FNDC3B: variants seen among roughly 807,000 people sequenced by gnomAD.
FNDC3B encodes fibronectin type III domain containing 3B, also known as fibronectin type III domain-containing protein 3B.
FNDC3B carries 12 observed loss-of-function variants against 151.5 expected under a neutral mutation model. The ratio of observed to expected loss-of-function variants is 0.08; its 90% CI spans 0.05 to 0.13. The LOEUF (loss-of-function observed/expected upper bound fraction) is 0.13, where lower values mean the gene tolerates loss of function less well. Ranked by LOEUF, FNDC3B falls within the 10% of genes least tolerant of loss-of-function variation. The probability of loss-of-function intolerance (pLI) is 1.00; values close to 1 mark genes in which losing one functional copy is unlikely to be tolerated. For synonymous variants in FNDC3B, 528 were observed against 549.0 expected (o/e 0.96, Z 0.54); for missense variants, 1,214 against 1,505.3 (o/e 0.81, Z 3.20).
rs536917791 is a variant in FNDC3B, at chr3:172,208,864, G to A, written c.188-18007G>A. Among the ~76,000 whole-genome samples, 6 of 152,246 alleles carry A rather than the reference G, an allele frequency of 3.9e-5. No individual in the cohort carries two copies. The South Asian group carries it at 1.2e-3, about 32-fold the overall frequency. ...CTAGGCATTCTGGCTGTTGCAGTGG[G>A]GTGGGCAGCTCCATGCACCAGCATA... On this transcript the variant is annotated intron_variant, in intron 3 of 25. Transcript: ENST00000415807.
At position 172,334,937 on chromosome 3, in the gene FNDC3B, G is replaced by A; in HGVS notation, c.1642-7G>A. On this transcript the variant is annotated splice_polypyrimidine_tract_variant and splice_region_variant and intron_variant, in intron 14 of 25. Coordinates refer to ENST00000415807, the MANE Select transcript of FNDC3B (RefSeq NM_022763.4). ...ATCATGTTAACGTTTCCTTGGTTGT[G>A]TTCTAGCTGACTGCTTCTAATACGG... 6.2e-7 allele frequency: 1 copy of A among 1,610,472 alleles called. No individual in the cohort carries two copies.
chr3:172,337,021 G>T (rs1018321873), intron 15 of FNDC3B, among the ~76,000 whole-genome samples: 1 of 151,308 alleles, frequency 6.6e-6, no homozygotes, highest in Non-Finnish European at 1.5e-5. Flanking sequence ...ATATATTAAA[G>T]AGCACCTTCA....
At chr3:172,377,143 A>T (rs1735189640) in intron 23 of FNDC3B, among the ~76,000 whole-genome samples, 1 of 152,248 alleles carries the variant, frequency 6.6e-6, no homozygotes, top group Admixed American at 6.5e-5. Context: ...TTGGCCCAAG[A>T]GTCAGACATT....
chr3:172,326,546 T>C (rs778495389), intron 11 of FNDC3B, among the ~76,000 whole-genome samples: 2 of 152,328 alleles, frequency 1.3e-5, no homozygotes, highest in Non-Finnish European at 2.9e-5. Context: ...AGATGGAGTC[T>C]TGTTCTGTCG....
chr3:172,267,578 T>G (rs1206910207), intron 6 of FNDC3B, among the ~76,000 whole-genome samples: 1 of 152,240 alleles, frequency 6.6e-6, no homozygotes, highest in African/African-American at 2.4e-5. Context: ...AAATGGCGGC[T>G]GTGTATTTTC....
intron 23 of FNDC3B, among the ~76,000 whole-genome samples, chr3:172,376,837 G>A (rs1354705432): frequency 1.4e-5 from 2 of 145,440 alleles, no homozygotes; most frequent in Non-Finnish European, 3.0e-5. Flanking sequence ...CATTGACTCT[G>A]ACAGGCTTTG....
chr3:172,283,515 A>T (rs1352698906), intron 6 of FNDC3B, among the ~76,000 whole-genome samples: 10 of 152,284 alleles, frequency 6.6e-5, no homozygotes, highest in Non-Finnish European at 1.5e-4. Flanking sequence ...TATTACTCCA[A>T]GGATAGGGTC....
intron 3 of FNDC3B, among the ~76,000 whole-genome samples, chr3:172,136,647 G>A (rs975327907): frequency 6.6e-6 from 1 of 152,210 alleles, no homozygotes; most frequent in Non-Finnish European, 1.5e-5. Flanking sequence ...TTTGTATTTT[G>A]TTAGGGATTT....
At chr3:172,083,558 G>T (rs1018657132) in intron 1 of FNDC3B, among the ~76,000 whole-genome samples, 17 of 152,188 alleles carry the variant, frequency 1.1e-4, no homozygotes, top group African/African-American at 4.1e-4. Flanking sequence ...CTATGGAGGG[G>T]TGTCTCAAAA....
chr3:172,346,561 T>TTTTTC, intron 20 of FNDC3B, 121 bp downstream of exon 20: 1 of 601,644 alleles, frequency 1.7e-6, no homozygotes, highest in Non-Finnish European at 2.9e-6. Context: ...TTTTTTTTTT[T>TTTTTC]GCTCTGTGTA....
At chr3:172,084,472 T>TACACACACACACACACACACACACACAC (rs138156277) in intron 1 of FNDC3B, among the ~76,000 whole-genome samples, 91 of 143,628 alleles carry the variant, frequency 6.3e-4, no homozygotes, top group African/African-American at 1.0e-3. Flanking sequence ...TGTATATGTA[T>TACACACACACACACACACACACACACAC]ACACACACAC....
At chr3:172,105,619 TA>T (rs537392799) in intron 1 of FNDC3B, among the ~76,000 whole-genome samples, 1,802 of 127,206 alleles carry the variant, frequency 0.014, 17 homozygotes, top group East Asian at 0.039. Context: ...ATTGTTTTCT[TA>T]AAAAAAAAAA....
chr3:172,301,134 GATA>G (rs1730893549), intron 9 of FNDC3B, among the ~76,000 whole-genome samples: 1 of 152,168 alleles, frequency 6.6e-6, no homozygotes. Flanking sequence ...AAATGAGAAT[GATA>G]ATGATACCAG....
At chr3:172,039,890 C>T (rs1715928406) in intron 1 of FNDC3B, 119 bp downstream of exon 1, 1 of 152,286 alleles carries the variant, frequency 6.6e-6, no homozygotes, top group South Asian at 2.1e-4. Flanking sequence ...GTCCCTGTCC[C>T]GGGAGCGCCC....
chr3:172,286,361 A>G (rs956091634), intron 7 of FNDC3B, among the ~76,000 whole-genome samples: 1 of 152,150 alleles, frequency 6.6e-6, no homozygotes, highest in Admixed American at 6.5e-5. Flanking sequence ...TATTTTTCCA[A>G]GTAAACTTCA....
At position 172,226,845 on chromosome 3, in the gene FNDC3B, A is replaced by G. The variant is rs542068919; in HGVS notation, c.188-26A>G. On this transcript the variant is annotated intron_variant, in intron 3 of 25. Transcript: ENST00000415807. ...TTGAATAATGTATGTTTCTTCAGCTATTAACATCTGACTCGTCTGTTTTAG... is the reference window on the plus strand; with the variant it reads ...TTGAATAATGTATGTTTCTTCAGCTGTTAACATCTGACTCGTCTGTTTTAG... 2.5e-5 allele frequency: 36 copies of G among 1,412,450 alleles called. 2 individuals are homozygous for G. The African/African-American group carries it at 3.1e-4, about 12-fold the overall frequency. 87.5% of individuals were successfully genotyped at this position (1,412,450 alleles called of 1,614,324 possible).
At chr3:172,329,255 T>C in intron 12 of FNDC3B, 179 bp downstream of exon 12, 2 of 675,342 alleles carry the variant, frequency 3.0e-6, no homozygotes, top group South Asian at 2.3e-5. Context: ...TGAATGTCAC[T>C]ATGGCCTCTG....
chr3:172,284,203 A>G (rs2108822727), intron 6 of FNDC3B, among the ~76,000 whole-genome samples: 1 of 152,290 alleles, frequency 6.6e-6, no homozygotes, highest in Admixed American at 6.5e-5. Flanking sequence ...GGGTCATTGA[A>G]CTATATAGCC....
rs1181573885 is a variant in FNDC3B, at chr3:172,324,170, A to G, written c.1255-4782A>G. 2.0e-5 allele frequency among the ~76,000 whole-genome samples: 3 copies of G among 151,954 alleles called. No individual in the cohort carries two copies. The East Asian group carries it at 5.8e-4, about 29-fold the overall frequency. On this transcript the variant is annotated intron_variant, in intron 11 of 25. Transcript: ENST00000415807. ...ATAATACCCAATGTATTTTTGTTTG[A>G]TGATTGGAAAGGAGAAAGAGGCAAA...
Sources: gnomAD v4.1 joint callset for allele counts (sites outside exome capture counted in the v4.1 genomes callset) on GRCh38, gnomAD v4.1.1 for gene constraint, MANE v1.5 for transcripts, NCBI Gene and HGNC (gene_info 2026-07-23, HGNC 2026-07-21) for gene names.